Variants in CELF4 observed in about 807,000 individuals in gnomAD.
CELF4 encodes CUG-BP- and ETR-3-like factor 4.
In CELF4, 18 loss-of-function variants were observed where a neutral mutation model predicts 59.9. That is an observed-to-expected ratio of 0.30 (90% CI 0.21 to 0.45). The LOEUF is 0.45. CELF4 is among the 20% of genes least tolerant of loss of function. The pLI is 1.00. For synonymous variants in CELF4, 261 were observed against 267.1 expected, an observed-to-expected ratio of 0.98 and a Z score of 0.22; for missense variants, 456 against 689.0, an observed-to-expected ratio of 0.66 and a Z score of 3.79.
At chr18:37,393,184 C>T (rs552059793) in intron 2 of CELF4, among the ~76,000 whole-genome samples, 3 of 152,224 alleles carry the variant, frequency 2.0e-5, no homozygotes, top group African/African-American at 7.2e-5. Flanking sequence ...TGGTTCCTCT[C>T]GGGGATACCC....
chr18:37,265,172 GTACAT>G (rs2076918271), intron 9 of CELF4, among the ~76,000 whole-genome samples: 1 of 151,402 alleles, frequency 6.6e-6, no homozygotes, highest in African/African-American at 2.4e-5. Context: ...GTGCGTGCGT[GTACAT>G]TACATGTGTA....
chr18:37,255,371 C>T (rs1401534982), intron 11 of CELF4, among the ~76,000 whole-genome samples: 1 of 151,960 alleles, frequency 6.6e-6, no homozygotes, highest in Non-Finnish European at 1.5e-5. Flanking sequence ...CTGCCTCCAT[C>T]GTCTCTTTCT....
chr18:37,263,697 A>C (rs971969153), intron 10 of CELF4, among the ~76,000 whole-genome samples: 2 of 151,786 alleles, frequency 1.3e-5, no homozygotes, highest in Non-Finnish European at 2.9e-5. Context: ...CATCTGACCC[A>C]AAGATCTTGC....
chr18:37,418,691 G>A (rs1021313902), intron 2 of CELF4, among the ~76,000 whole-genome samples: 5 of 152,324 alleles, frequency 3.3e-5, no homozygotes, highest in East Asian at 3.9e-4. Flanking sequence ...TGCCTGTCTC[G>A]TAGAATTGCT....
At chr18:37,407,858 T>A (rs1284290916) in intron 2 of CELF4, among the ~76,000 whole-genome samples, 1 of 152,136 alleles carries the variant, frequency 6.6e-6, no homozygotes, top group East Asian at 1.9e-4. Flanking sequence ...AAATAATGAA[T>A]GAGATTTCCA....
At chr18:37,259,288 C>CGGGGGAGGAGGGATGGCAGGGT in intron 10 of CELF4, 24 bp from the exon 11 acceptor site, 1 of 120,584 alleles carries the variant, frequency 8.3e-6, no homozygotes, top group Non-Finnish European at 1.5e-5. Flanking sequence ...AGGGGGTGGG[C>CGGGGGAGGAGGGATGGCAGGGT]GGGGGAGGAG....
chr18:37,434,044 T>C (rs1016574456), intron 2 of CELF4, among the ~76,000 whole-genome samples: 1 of 152,254 alleles, frequency 6.6e-6, no homozygotes, highest in Admixed American at 6.5e-5. Flanking sequence ...TACAGGCATC[T>C]GGGTGCCAAG....
chr18:37,347,266 A>AC (rs926060748), intron 2 of CELF4, among the ~76,000 whole-genome samples: 4 of 151,832 alleles, frequency 2.6e-5, no homozygotes, highest in Non-Finnish European at 4.4e-5. Flanking sequence ...TCTCCCTGCC[A>AC]CCCCCCACGC....
chr18:37,316,736 G>A (rs1044489283), intron 3 of CELF4, among the ~76,000 whole-genome samples: 2 of 152,036 alleles, frequency 1.3e-5, no homozygotes, highest in African/African-American at 4.8e-5. Context: ...TCCTACCCTG[G>A]TCTTTCATGT....
intron 1 of CELF4, among the ~76,000 whole-genome samples, chr18:37,550,886 CA>C (rs1359155750): frequency 6.6e-6 from 1 of 152,240 alleles, no homozygotes; most frequent in Non-Finnish European, 1.5e-5. Context: ...CACGTGGCAA[CA>C]GAGATGGTAA....
chr18:37,363,380 T>A (rs939095457), intron 2 of CELF4, among the ~76,000 whole-genome samples: 1 of 152,148 alleles, frequency 6.6e-6, no homozygotes, highest in Admixed American at 6.5e-5. Flanking sequence ...AAAATGAACA[T>A]GATGAAAATA....
At chr18:37,443,043 G>A (rs2099737403) in intron 2 of CELF4, among the ~76,000 whole-genome samples, 1 of 152,120 alleles carries the variant, frequency 6.6e-6, no homozygotes, top group East Asian at 1.9e-4. Context: ...GCCAAACAAG[G>A]GGCAACTTGT....
At chr18:37,408,782 T>C (rs1205754612) in intron 2 of CELF4, among the ~76,000 whole-genome samples, 4 of 152,142 alleles carry the variant, frequency 2.6e-5, no homozygotes, top group Non-Finnish European at 5.9e-5. Flanking sequence ...CTCTTTTTGG[T>C]CCTGTCCCAC....
rs1207064239 is a variant in CELF4, at chr18:37,318,366, T to TGCCAC, written c.448+3432_448+3436dup. Among the ~76,000 whole-genome samples, 17 of 151,992 alleles carry TGCCAC rather than the reference T, an allele frequency of 1.1e-4. No homozygotes were observed. The East Asian group carries it at 2.3e-3, about 21-fold the overall frequency. ...CCTCTCCTCCTGCCCGCTGCCGTCA[T>TGCCAC]GCCACCTCCTCCACCCCTCTCCCAT... On this transcript the variant is annotated intron_variant, in intron 3 of 12. Coordinates refer to ENST00000420428, the MANE Select transcript of CELF4 (RefSeq NM_020180.4).
intron 2 of CELF4, among the ~76,000 whole-genome samples, chr18:37,366,130 A>G (rs977697998): frequency 2.0e-5 from 3 of 152,170 alleles, no homozygotes; most frequent in African/African-American, 7.2e-5. Flanking sequence ...GGTATCTACC[A>G]CCATGTTCTT....
rs1437912025 is a variant in CELF4, at chr18:37,286,398, G to T, written c.449-11155C>A. On this transcript the variant is annotated intron_variant, in intron 3 of 12. Coordinates refer to ENST00000420428, the MANE Select transcript of CELF4 (RefSeq NM_020180.4). Reference sequence around the variant, plus strand: ...CACAGACTTTCCAACATTAGCCACAGGCTGACCCTTATGGGGCCTCAAATC... The same window carrying T: ...CACAGACTTTCCAACATTAGCCACATGCTGACCCTTATGGGGCCTCAAATC... 3.9e-5 allele frequency among the ~76,000 whole-genome samples: 6 copies of T among 152,180 alleles called. No individual in the cohort carries two copies. The East Asian group carries it at 1.2e-3, about 30-fold the overall frequency.
chr18:37,410,530 G>A (rs1190410161), intron 2 of CELF4, among the ~76,000 whole-genome samples: 1 of 152,234 alleles, frequency 6.6e-6, no homozygotes, highest in Non-Finnish European at 1.5e-5. Context: ...GTTCGTGTGT[G>A]CGTGTGGGCA....
intron 1 of CELF4, among the ~76,000 whole-genome samples, chr18:37,557,997 CTTTTTTTTTTTT>C (rs34181233): frequency 2.0e-5 from 2 of 100,766 alleles, no homozygotes; most frequent in South Asian, 3.5e-4. Context: ...ATCCCTTTTA[CTTTTTTTTTTTT>C]TTTTTTTTTT....
chr18:37,394,182 A>C (rs1180072940), intron 2 of CELF4, among the ~76,000 whole-genome samples: 1 of 152,058 alleles, frequency 6.6e-6, no homozygotes, highest in Non-Finnish European at 1.5e-5. Flanking sequence ...AGCTGTGACC[A>C]TGGCCAGAGA....
Sources: gnomAD v4.1 joint callset for allele counts (sites outside exome capture counted in the v4.1 genomes callset) on GRCh38, gnomAD v4.1.1 for gene constraint, MANE v1.5 for transcripts, NCBI Gene and HGNC (gene_info 2026-07-23, HGNC 2026-07-21) for gene names.